Variants in ZDHHC14 observed in about 807,000 individuals in gnomAD.
ZDHHC14 encodes palmitoyltransferase ZDHHC14.
ZDHHC14 carries 16 observed loss-of-function variants against 47.7 expected under a neutral mutation model. The observed-to-expected ratio is 0.34, with a 90% CI of 0.23 to 0.51. ZDHHC14 has a LOEUF of 0.51. Ranked by LOEUF, ZDHHC14 falls within the 20% of genes least tolerant of loss-of-function variation. The pLI is 0.97. For missense variants in ZDHHC14, 515 were observed against 662.5 expected, an observed-to-expected ratio of 0.78 and a Z score of 2.44; for synonymous variants, 293 against 278.9, an observed-to-expected ratio of 1.05 and a Z score of -0.50.
intron 8 of ZDHHC14, among the ~76,000 whole-genome samples, chr6:157,659,227 A>T (rs1778237334): frequency 6.6e-6 from 1 of 152,240 alleles, no homozygotes; most frequent in Non-Finnish European, 1.5e-5. Flanking sequence ...ACTTCAGTGA[A>T]AGTCAAGAGG....
At chr6:157,387,912 A>G (rs1777349425) in intron 1 of ZDHHC14, among the ~76,000 whole-genome samples, 1 of 152,058 alleles carries the variant, frequency 6.6e-6, no homozygotes, top group African/African-American at 2.4e-5. Context: ...GTACATTAAT[A>G]AAAATTTATG....
At chr6:157,508,901 T>C (rs1780394922) in intron 1 of ZDHHC14, among the ~76,000 whole-genome samples, 1 of 152,242 alleles carries the variant, frequency 6.6e-6, no homozygotes, top group Admixed American at 6.5e-5. Flanking sequence ...ATATAAGTTA[T>C]AGTTTCTTTG....
chr6:157,432,023 C>T (rs141123596), intron 1 of ZDHHC14, among the ~76,000 whole-genome samples: 1 of 152,268 alleles, frequency 6.6e-6, no homozygotes, highest in African/African-American at 2.4e-5. Context: ...CCCATCATGC[C>T]AGATCCCTTT....
At chr6:157,493,336 C>T (rs545591170) in intron 1 of ZDHHC14, among the ~76,000 whole-genome samples, 112 of 152,326 alleles carry the variant, frequency 7.4e-4, no homozygotes, top group African/African-American at 2.3e-3. Context: ...GCGAGCGGGA[C>T]GGTCTGAGGG....
intron 2 of ZDHHC14, among the ~76,000 whole-genome samples, chr6:157,545,221 A>C (rs1781924005): frequency 6.8e-6 from 1 of 147,402 alleles, no homozygotes; most frequent in Non-Finnish European, 1.5e-5. Flanking sequence ...GGTTAACTGC[A>C]CATGACATGA....
chr6:157,391,701 T>C (rs1220797409), intron 1 of ZDHHC14, among the ~76,000 whole-genome samples: 1 of 152,222 alleles, frequency 6.6e-6, no homozygotes, highest in African/African-American at 2.4e-5. Flanking sequence ...GAAGCGGCTA[T>C]TGGCCTTTTT....
intron 1 of ZDHHC14, among the ~76,000 whole-genome samples, chr6:157,540,700 C>T (rs138878173): frequency 6.6e-6 from 1 of 152,166 alleles, no homozygotes; most frequent in Non-Finnish European, 1.5e-5. Context: ...GCTTGTTTTA[C>T]TCACTGCCAT....
chr6:157,659,132 T>A (rs1778233866), intron 8 of ZDHHC14, among the ~76,000 whole-genome samples: 2 of 152,180 alleles, frequency 1.3e-5, no homozygotes. Flanking sequence ...TGAAAATAGA[T>A]GAGGGAAGCT....
chr6:157,430,412 G>A (rs1347906914), intron 1 of ZDHHC14, among the ~76,000 whole-genome samples: 1 of 151,936 alleles, frequency 6.6e-6, no homozygotes, highest in Non-Finnish European at 1.5e-5. Flanking sequence ...GATACCAGAA[G>A]GGCTGCATTC....
In ZDHHC14 at chr6:157,427,936, G is replaced by T. The variant is rs1251063761; in HGVS notation, c.245+45670G>T. On this transcript the variant is annotated intron_variant, in intron 1 of 8. Coordinates refer to ENST00000359775, the MANE Select transcript of ZDHHC14 (RefSeq NM_024630.3). The surrounding 1 kb of genome is among the most constrained non-coding windows in gnomAD (Gnocchi z 4.4). ...AATAAAACTTTTATTGTGATTAGAG[G>T]AATATTGGGCTCCTGGAGGGCTGTT... Among the ~76,000 whole-genome samples, 1 of 152,108 alleles carries T rather than the reference G, an allele frequency of 6.6e-6. No individual in the cohort carries two copies. The highest frequency in any genetic ancestry group is 1.5e-5 in the Non-Finnish European group (1 of 68,028).
At chr6:157,550,995 C>T (rs1782207784) in intron 2 of ZDHHC14, among the ~76,000 whole-genome samples, 1 of 152,138 alleles carries the variant, frequency 6.6e-6, no homozygotes, top group Admixed American at 6.5e-5. Context: ...GGGCAAGGAA[C>T]ACAGAGGTTG....
chr6:157,561,507 G>A (rs1006649431), intron 2 of ZDHHC14, among the ~76,000 whole-genome samples: 3 of 152,154 alleles, frequency 2.0e-5, no homozygotes, highest in Non-Finnish European at 4.4e-5. Context: ...CGACGGGCGC[G>A]CATGTGAGAC....
chr6:157,382,183 G>A lies in ZDHHC14; in HGVS notation c.162G>A (p.Arg54=), dbSNP rs1340288337. Residue 54 remains arginine (R), a synonymous_variant, in exon 1 of 9, where the codon AGG becomes AGA. Transcript: ENST00000359775. ...GAAACAAGTTCTTCTGTAACGGGAGGATCATGATGGCCCGGCAGACGGGCG... is the reference window on the plus strand; with the variant it reads ...GAAACAAGTTCTTCTGTAACGGGAGAATCATGATGGCCCGGCAGACGGGCG... The part of the protein sequence containing the change: ...PGRNKFFCNG[R]IMMARQTGVF... 1 of 1,613,944 alleles carries A rather than the reference G, an allele frequency of 6.2e-7. No homozygotes were observed. The highest frequency in any genetic ancestry group is 8.5e-7 in the Non-Finnish European group (1 of 1,179,944).
intron 3 of ZDHHC14, among the ~76,000 whole-genome samples, chr6:157,617,377 G>C (rs1285880522): frequency 6.6e-6 from 1 of 152,082 alleles, no homozygotes; most frequent in Non-Finnish European, 1.5e-5. Flanking sequence ...TTTCCAGAGG[G>C]TCCTCGTTCT....
intron 1 of ZDHHC14, among the ~76,000 whole-genome samples, chr6:157,407,876 C>G (rs774650213): frequency 6.6e-6 from 1 of 152,182 alleles, no homozygotes; most frequent in African/African-American, 2.4e-5. Context: ...GCTAAGTAAA[C>G]TTACCATGAA....
intron 1 of ZDHHC14, among the ~76,000 whole-genome samples, chr6:157,493,013 A>T (rs2114729744): frequency 6.6e-6 from 1 of 152,108 alleles, no homozygotes; most frequent in Admixed American, 6.5e-5. Context: ...AAGCCTCTGG[A>T]GGGTTTGAGG....
intron 1 of ZDHHC14, among the ~76,000 whole-genome samples, chr6:157,443,645 C>T (rs1562426719): frequency 1.3e-5 from 2 of 152,158 alleles, no homozygotes; most frequent in African/African-American, 2.4e-5. Flanking sequence ...TAGCACATGT[C>T]CAGCTTTAAA....
At chr6:157,498,439 G>A (rs1304961531) in intron 1 of ZDHHC14, among the ~76,000 whole-genome samples, 1 of 152,134 alleles carries the variant, frequency 6.6e-6, no homozygotes, top group African/African-American at 2.4e-5. Flanking sequence ...TGGGGAAAGA[G>A]AATATTGATC....
intron 2 of ZDHHC14, among the ~76,000 whole-genome samples, chr6:157,545,570 C>T (rs1015153597): frequency 6.6e-6 from 1 of 151,502 alleles, no homozygotes; most frequent in Non-Finnish European, 1.5e-5. Flanking sequence ...CCCAGCTACT[C>T]GGGAGGCTGA....
Sources: gnomAD v4.1 joint callset for allele counts (sites outside exome capture counted in the v4.1 genomes callset) on GRCh38, gnomAD v4.1.1 for gene constraint, Gnocchi (gnomAD v3.1) non-coding constraint, MANE v1.5 for transcripts, NCBI Gene and HGNC (gene_info 2026-07-23, HGNC 2026-07-21) for gene names.